Variants in PTPRD observed in about 807,000 individuals in gnomAD.
PTPRD encodes the protein protein tyrosine phosphatase receptor type D, also known as receptor-type tyrosine-protein phosphatase delta.
PTPRD carries 34 observed loss-of-function variants against 214.5 expected under a neutral mutation model. That is an observed-to-expected ratio of 0.16 (90% CI 0.12 to 0.21). The LOEUF (loss-of-function observed/expected upper bound fraction) is 0.21, where lower values mean the gene tolerates loss of function less well. Ranked by LOEUF, PTPRD falls within the 10% of genes least tolerant of loss-of-function variation. The probability of loss-of-function intolerance (pLI) is 1.00; values close to 1 mark genes in which losing one functional copy is unlikely to be tolerated. For missense variants in PTPRD, 2,545 were observed against 2,398.7 expected, an observed-to-expected ratio of 1.06 and a Z score of -1.27; for synonymous variants, 1,128 against 845.7, an observed-to-expected ratio of 1.33 and a Z score of -5.79.
intron 9 of PTPRD, among the ~76,000 whole-genome samples, chr9:9,380,043 A>G (rs975703837): frequency 1.3e-5 from 2 of 151,978 alleles, no homozygotes; most frequent in African/African-American, 4.8e-5. Context: ...CTAGGACTTC[A>G]AATGTGGTGT....
At chr9:8,452,144 C>A (rs576329424) in intron 33 of PTPRD, among the ~76,000 whole-genome samples, 2 of 152,222 alleles carry the variant, frequency 1.3e-5, no homozygotes, top group Non-Finnish European at 2.9e-5. Flanking sequence ...ACTAACTTCT[C>A]TTTCACTGTT....
chr9:9,530,271 A>T (rs1010259136), intron 8 of PTPRD, among the ~76,000 whole-genome samples: 1 of 152,148 alleles, frequency 6.6e-6, no homozygotes, highest in Admixed American at 6.6e-5. Context: ...AAGAGTGAAG[A>T]CCCAAATAAA....
chr9:9,646,322 T>G (rs987368324), intron 7 of PTPRD, among the ~76,000 whole-genome samples: 2 of 121,624 alleles, frequency 1.6e-5, no homozygotes, highest in African/African-American at 2.7e-5. Context: ...TGTGTGGGTG[T>G]GTGTGTGTGT....
chr9:10,072,070 C>G (rs1025741989), intron 3 of PTPRD, among the ~76,000 whole-genome samples: 6 of 151,744 alleles, frequency 4.0e-5, no homozygotes, highest in Admixed American at 3.9e-4. Context: ...AAAGATTAAA[C>G]ATAGACTGGG....
chr9:8,700,284 T>A lies in PTPRD; in HGVS notation c.64+33496A>T, dbSNP rs77030963. Among the ~76,000 whole-genome samples the A allele has an allele frequency of 3.3e-5, 5 of 152,362 alleles. No individual in the cohort carries two copies. In the East Asian group the frequency reaches 7.7e-4, roughly 23 times the overall value. On this transcript the variant is annotated intron_variant, in intron 12 of 45. Coordinates refer to ENST00000381196, the MANE Select transcript of PTPRD (RefSeq NM_002839.4). ...GCATCTAAATTATTATTTACTGAAC[T>A]GTAGTAAAACCCTCGAATTCCACTA... is the stretch of plus-strand genomic sequence containing the variant.
Position 8,446,139 on chromosome 9 carries a change from C to T in PTPRD, c.3988+3586G>A, listed in dbSNP as rs535168629. On this transcript the variant is annotated intron_variant, in intron 34 of 45. Coordinates refer to ENST00000381196, the MANE Select transcript of PTPRD (RefSeq NM_002839.4). Reference sequence around the variant, plus strand: ...AGGTTTCTCTGTCTTTTCTTTGTGCCTTAGCTGAGCAACGGTGGATGGAAA... The same window carrying T: ...AGGTTTCTCTGTCTTTTCTTTGTGCTTTAGCTGAGCAACGGTGGATGGAAA... 7.2e-5 allele frequency among the ~76,000 whole-genome samples: 11 copies of T among 152,288 alleles called. No individual in the cohort carries two copies. The South Asian group carries it at 2.1e-3, about 29-fold the overall frequency.
Position 10,150,219 on chromosome 9 carries a change from T to C in PTPRD, c.-544-116429A>G, listed in dbSNP as rs570496964. ...AAAAAATAATATAAAGGTTTACCAA[T>C]AAGAAATGGTGAAATACAATGGCAA... On this transcript the variant is annotated intron_variant, in intron 3 of 45. Transcript: ENST00000381196. 4.6e-5 allele frequency among the ~76,000 whole-genome samples: 7 copies of C among 152,218 alleles called. No homozygotes were observed. In the South Asian group the frequency reaches 8.3e-4, roughly 18 times the overall value.
chr9:9,339,408 C>T lies in PTPRD; in HGVS notation c.-203+58041G>A, dbSNP rs574115562. On this transcript the variant is annotated intron_variant, in intron 9 of 45. Coordinates refer to ENST00000381196, the MANE Select transcript of PTPRD (RefSeq NM_002839.4). The stretch of plus-strand genomic sequence containing the variant: ...GGCTGAGGCAGGAGAATGGTGTGAA[C>T]CTGAGAGGAGGAGCTTGCAGTGAGC... 3.3e-5 allele frequency among the ~76,000 whole-genome samples: 5 copies of T among 152,102 alleles called. No homozygotes were observed. The South Asian group carries it at 8.3e-4, about 25-fold the overall frequency.
chr9:10,082,840 A>ACACACAAACAC (rs1555566891), intron 3 of PTPRD, among the ~76,000 whole-genome samples: 45 of 128,302 alleles, frequency 3.5e-4, no homozygotes, highest in African/African-American at 1.2e-3. Context: ...CACACACACA[A>ACACACAAACAC]ACACACACAC....
intron 9 of PTPRD, among the ~76,000 whole-genome samples, chr9:9,355,231 G>A (rs1163546076): frequency 4.0e-5 from 6 of 151,410 alleles, no homozygotes; most frequent in South Asian, 2.1e-4. Context: ...ATTATACCTC[G>A]AAAAAGCTGG....
chr9:9,140,307 C>G (rs2099858014), intron 10 of PTPRD, among the ~76,000 whole-genome samples: 1 of 152,126 alleles, frequency 6.6e-6, no homozygotes, highest in African/African-American at 2.4e-5. Context: ...ACCTTATTTT[C>G]TCCTGTATTG....
intron 11 of PTPRD, among the ~76,000 whole-genome samples, chr9:8,928,760 G>T (rs1588195146): frequency 6.6e-6 from 1 of 152,036 alleles, no homozygotes; most frequent in Non-Finnish European, 1.5e-5. Context: ...GGAAAGCACT[G>T]AATCTATAAA....
chr9:10,455,143 C>G (rs919420087), intron 2 of PTPRD, among the ~76,000 whole-genome samples: 1 of 151,752 alleles, frequency 6.6e-6, no homozygotes, highest in Non-Finnish European at 1.5e-5. Context: ...TATCAATGAT[C>G]TTCTTGACAC....
chr9:9,524,888 C>T (rs761284239), intron 8 of PTPRD, among the ~76,000 whole-genome samples: 37 of 152,248 alleles, frequency 2.4e-4, no homozygotes, highest in Non-Finnish European at 4.7e-4. Context: ...GACGGAGTCT[C>T]GCTCTGTTGC....
intron 5 of PTPRD, among the ~76,000 whole-genome samples, chr9:9,836,539 T>G (rs1017962803): frequency 1.5e-4 from 23 of 152,104 alleles, no homozygotes; most frequent in African/African-American, 5.5e-4. Flanking sequence ...GCATTCTAGT[T>G]TATGGGGTGA....
At chr9:9,266,888 T>A (rs1281825275) in intron 9 of PTPRD, among the ~76,000 whole-genome samples, 1 of 150,946 alleles carries the variant, frequency 6.6e-6, no homozygotes, top group Non-Finnish European at 1.5e-5. Context: ...GTTTTGCACT[T>A]CAAGGAGCTA....
At chr9:9,807,356 G>A (rs1463494238) in intron 5 of PTPRD, among the ~76,000 whole-genome samples, 1 of 152,092 alleles carries the variant, frequency 6.6e-6, no homozygotes, top group Non-Finnish European at 1.5e-5. Flanking sequence ...ACATACTTAT[G>A]TGAAGATAAG....
At chr9:9,048,174 T>TA (rs1231706153) in intron 10 of PTPRD, among the ~76,000 whole-genome samples, 1 of 152,070 alleles carries the variant, frequency 6.6e-6, no homozygotes, top group Non-Finnish European at 1.5e-5. Context: ...AGGATGTGAA[T>TA]AAAATGGAAC....
intron 5 of PTPRD, among the ~76,000 whole-genome samples, chr9:9,923,613 C>G (rs1284162637): frequency 6.6e-6 from 1 of 151,816 alleles, no homozygotes; most frequent in Non-Finnish European, 1.5e-5. Flanking sequence ...AACAAGTCAT[C>G]TACAAACAAA....
Sources: allele counts gnomAD v4.1 joint callset (sites outside exome capture counted in the v4.1 genomes callset), GRCh38; gene constraint gnomAD v4.1.1; transcripts MANE v1.5; gene names NCBI Gene and HGNC (gene_info 2026-07-23, HGNC 2026-07-21).